CHODL: variants seen among roughly 807,000 people sequenced by gnomAD.
CHODL encodes transmembrane protein MT75.
CHODL carries 29 observed loss-of-function variants against 34.5 expected under a neutral mutation model. The observed-to-expected ratio is 0.84, with a 90% confidence interval of 0.63 to 1.15. The LOEUF is 1.15. Ranked by LOEUF, CHODL falls within the 50% of genes most tolerant of loss-of-function variation. The probability of loss-of-function intolerance (pLI) is 0.00; values close to 1 mark genes in which losing one functional copy is unlikely to be tolerated. For missense variants in CHODL, 332 were observed against 332.5 expected (o/e 1.00, Z 0.01); for synonymous variants, 125 against 116.1 (o/e 1.08, Z -0.49).
intron 1 of CHODL, among the ~76,000 whole-genome samples, chr21:17,974,957 T>C (rs2063649320): frequency 6.7e-6 from 1 of 148,550 alleles, no homozygotes; most frequent in East Asian, 1.9e-4. Flanking sequence ...TAAAATAATA[T>C]ATATTATAGA....
intron 2 of CHODL, among the ~76,000 whole-genome samples, chr21:18,049,433 G>A (rs555413144): frequency 1.3e-5 from 2 of 151,952 alleles, no homozygotes; most frequent in Non-Finnish European, 2.9e-5. Context: ...TGACTCAGAT[G>A]TATAACAATA....
intron 1 of CHODL, among the ~76,000 whole-genome samples, chr21:17,978,405 G>A (rs1193147613): frequency 7.1e-6 from 1 of 141,442 alleles, no homozygotes; most frequent in East Asian, 2.1e-4. Flanking sequence ...CTGGGGCACA[G>A]AGCGAGACTC....
intron 2 of CHODL, among the ~76,000 whole-genome samples, chr21:18,047,956 C>T (rs1445603553): frequency 1.3e-5 from 2 of 151,882 alleles, no homozygotes; most frequent in Non-Finnish European, 2.9e-5. Flanking sequence ...TGGCCACCAA[C>T]TTTTTCTTTG....
At chr21:18,049,071 T>A (rs1672031610) in intron 2 of CHODL, among the ~76,000 whole-genome samples, 1 of 151,990 alleles carries the variant, frequency 6.6e-6, no homozygotes, top group Non-Finnish European at 1.5e-5. Context: ...GTTTGGGAAA[T>A]TATTTTTATC....
At chr21:18,225,291 C>G (rs890340271) in intron 2 of CHODL, among the ~76,000 whole-genome samples, 2 of 152,014 alleles carry the variant, frequency 1.3e-5, no homozygotes, top group African/African-American at 4.8e-5. Flanking sequence ...TAACCATTCT[C>G]AAAAAATAGC....
chr21:18,249,675 C>T (rs2074211708), intron 1 of CHODL, among the ~76,000 whole-genome samples: 1 of 152,070 alleles, frequency 6.6e-6, no homozygotes, highest in South Asian at 2.1e-4. Flanking sequence ...CATATGGAGA[C>T]AGCATAGAAA....
At chr21:17,935,585 G>T (rs1173585619) in intron 1 of CHODL, among the ~76,000 whole-genome samples, 1 of 152,182 alleles carries the variant, frequency 6.6e-6, no homozygotes, top group Non-Finnish European at 1.5e-5. Context: ...CAAATGTCAA[G>T]AATTATCTTT....
chr21:18,070,111 C>G (rs1237473630), intron 2 of CHODL, among the ~76,000 whole-genome samples: 5 of 147,218 alleles, frequency 3.4e-5, no homozygotes, highest in African/African-American at 1.3e-4. Flanking sequence ...TCTGGAACTC[C>G]TGGGCTACAA....
At chr21:18,039,216 T>C (rs1234325669) in intron 2 of CHODL, among the ~76,000 whole-genome samples, 1 of 151,780 alleles carries the variant, frequency 6.6e-6, no homozygotes, top group African/African-American at 2.4e-5. Flanking sequence ...GAGAGATATA[T>C]ATCTGTTATT....
rs1209080015 is a variant in CHODL, at chr21:18,218,443, T to C, written c.-44-38066T>C. ...GATGTAGGACACCAAGTCCCTAGGC[T>C]GCACACAGTAGGGGGGATTTGGGCC... On this transcript the variant is annotated intron_variant, in intron 2 of 6. Transcript: ENST00000400127. Among the ~76,000 whole-genome samples the C allele has an allele frequency of 2.0e-5, 3 of 152,130 alleles. No individual in the cohort carries two copies. In the East Asian group the frequency reaches 5.8e-4, roughly 29 times the overall value.
intron 4 of CHODL, 134 bp from the exon 5 acceptor site, chr21:18,262,657 A>AT (rs1363739589): frequency 1.7e-6 from 1 of 604,812 alleles, no homozygotes; most frequent in East Asian, 2.7e-5. Context: ...ATTTTTCAAT[A>AT]TTTTGAGAAG....
intron 1 of CHODL, among the ~76,000 whole-genome samples, chr21:17,970,924 C>T (rs1428290064): frequency 6.6e-6 from 1 of 152,040 alleles, no homozygotes; most frequent in African/African-American, 2.4e-5. Flanking sequence ...TGATGTTTCC[C>T]TCCATGTGTC....
intron 1 of CHODL, among the ~76,000 whole-genome samples, chr21:17,967,904 G>A (rs1402942121): frequency 6.6e-6 from 1 of 152,130 alleles, no homozygotes; most frequent in African/African-American, 2.4e-5. Flanking sequence ...TACCTTGTTG[G>A]TTGATACGTC....
intron 5 of CHODL, among the ~76,000 whole-genome samples, chr21:18,263,564 CAA>C (rs1019504843): frequency 1.2e-4 from 18 of 151,148 alleles, no homozygotes; most frequent in African/African-American, 4.4e-4. Flanking sequence ...AAAAATGAAA[CAA>C]AATTCAATAT....
chr21:17,998,882 T>C (rs1280547790), intron 1 of CHODL, among the ~76,000 whole-genome samples: 1 of 152,238 alleles, frequency 6.6e-6, no homozygotes, highest in East Asian at 1.9e-4. Context: ...CTGGAGATGT[T>C]TTCCCCATGG....
intron 1 of CHODL, among the ~76,000 whole-genome samples, chr21:17,969,726 A>G (rs908156132): frequency 6.6e-6 from 1 of 152,232 alleles, no homozygotes; most frequent in Non-Finnish European, 1.5e-5. Flanking sequence ...TTTAAACAAC[A>G]GCATGTAGTA....
At chr21:18,106,894 G>A (rs1225090480) in intron 2 of CHODL, among the ~76,000 whole-genome samples, 1 of 152,134 alleles carries the variant, frequency 6.6e-6, no homozygotes, top group Non-Finnish European at 1.5e-5. Flanking sequence ...AGGCCTTATG[G>A]GACCCTGACA....
At chr21:18,252,950 G>A (rs116579830) in intron 1 of CHODL, among the ~76,000 whole-genome samples, 2 of 152,028 alleles carry the variant, frequency 1.3e-5, no homozygotes, top group South Asian at 2.1e-4. Context: ...GCTGTCTATC[G>A]TCCAGGGTCT....
At chr21:18,106,578 C>G (rs1192192524) in intron 2 of CHODL, among the ~76,000 whole-genome samples, 3 of 150,586 alleles carry the variant, frequency 2.0e-5, no homozygotes, top group Non-Finnish European at 4.4e-5. Context: ...TCACTGCAAG[C>G]TCCGCCTCCT....
Sources: allele counts gnomAD v4.1 joint callset (sites outside exome capture counted in the v4.1 genomes callset), GRCh38; gene constraint gnomAD v4.1.1; transcripts MANE v1.5; gene names NCBI Gene and HGNC (gene_info 2026-07-23, HGNC 2026-07-21).